The following SYT9 variants were observed in gnomAD, a reference collection of about 807,000 sequenced individuals.
SYT9 encodes synaptotagmin-9.
SYT9 carries 22 observed loss-of-function variants against 48.4 expected under a neutral mutation model. The observed-to-expected ratio is 0.45, with a 90% confidence interval of 0.32 to 0.65. The LOEUF is 0.65. SYT9 is among the 30% of genes least tolerant of loss of function. The probability of loss-of-function intolerance (pLI) is 0.03; values close to 1 mark genes in which losing one functional copy is unlikely to be tolerated. For synonymous variants in SYT9, 265 were observed against 245.0 expected, an observed-to-expected ratio of 1.08 and a Z score of -0.76; for missense variants, 577 against 622.0, an observed-to-expected ratio of 0.93 and a Z score of 0.77.
intron 3 of SYT9, among the ~76,000 whole-genome samples, chr11:7,393,626 C>T (rs936383821): frequency 1.3e-5 from 2 of 151,868 alleles, no homozygotes; most frequent in African/African-American, 4.8e-5. Flanking sequence ...CTAGAATGAG[C>T]CTCCTTCTCA....
chr11:7,449,097 G>A (rs749761753), intron 6 of SYT9, among the ~76,000 whole-genome samples: 1 of 151,926 alleles, frequency 6.6e-6, no homozygotes, highest in Non-Finnish European at 1.5e-5. Flanking sequence ...TAATCCCAGC[G>A]CTTTGGGAGG....
intron 3 of SYT9, among the ~76,000 whole-genome samples, chr11:7,373,381 C>A (rs1850397564): frequency 6.6e-6 from 1 of 152,046 alleles, no homozygotes; most frequent in South Asian, 2.1e-4. Flanking sequence ...CCCTATTTCA[C>A]CCTTGAGAGA....
At chr11:7,347,327 G>A (rs1244831005) in intron 3 of SYT9, among the ~76,000 whole-genome samples, 1 of 152,032 alleles carries the variant, frequency 6.6e-6, no homozygotes, top group Non-Finnish European at 1.5e-5. Flanking sequence ...TGCCTCCCAG[G>A]TTCAAGCGAC....
Position 7,313,725 on chromosome 11 carries a change from T to C in SYT9, c.828T>C (p.Val276=). The change falls in exon 3 of 7, where the codon GTT becomes GTC. Residue 276 remains valine (V), a synonymous_variant. Transcript: ENST00000318881. ...PDRKTKHQTK[V]HRKTLNPVFD... The stretch of plus-strand genomic sequence containing the variant: ...GGAAAACAAAACACCAGACTAAAGT[T>C]CACAGAAAGACCCTGAACCCTGTGT... The C allele has an allele frequency of 6.2e-7, 1 of 1,614,212 alleles. No homozygotes were observed. The highest frequency in any genetic ancestry group is 1.3e-5 in the African/African-American group (1 of 75,050).
intron 1 of SYT9, among the ~76,000 whole-genome samples, chr11:7,277,711 G>A (rs527464133): frequency 6.6e-6 from 1 of 152,330 alleles, no homozygotes; most frequent in Admixed American, 6.5e-5. Flanking sequence ...CAGCATGCAT[G>A]TAGGATCTGA....
At chr11:7,384,169 C>T (rs1850615773) in intron 3 of SYT9, among the ~76,000 whole-genome samples, 1 of 151,838 alleles carries the variant, frequency 6.6e-6, no homozygotes, top group African/African-American at 2.4e-5. Context: ...ATGTTTGTAT[C>T]ATTATTGTTA....
intron 1 of SYT9, among the ~76,000 whole-genome samples, chr11:7,255,311 C>G (rs1487862): frequency 0.85 from 128,827 of 152,038 alleles, 54,737 homozygotes; most frequent in South Asian, 0.92. Context: ...AGGTGTGAAA[C>G]AGATGGAGAG....
chr11:7,391,655 C>T (rs1266227506), intron 3 of SYT9, among the ~76,000 whole-genome samples: 1 of 143,440 alleles, frequency 7.0e-6, no homozygotes, highest in Non-Finnish European at 1.5e-5. Flanking sequence ...AATCCCAGCA[C>T]TTTCGAAGGC....
At chr11:7,291,026 A>T (rs1344661202) in intron 1 of SYT9, among the ~76,000 whole-genome samples, 1 of 152,232 alleles carries the variant, frequency 6.6e-6, no homozygotes, top group African/African-American at 2.4e-5. Flanking sequence ...ACCCAAAAAA[A>T]AGAGCTGTGG....
chr11:7,242,167 A>G (rs1479425039), intron 1 of SYT9, among the ~76,000 whole-genome samples: 1 of 152,258 alleles, frequency 6.6e-6, no homozygotes, highest in Non-Finnish European at 1.5e-5. Flanking sequence ...TGGGGCTCTA[A>G]TGTGCGTTGG....
chr11:7,355,899 C>T (rs1281494780), intron 3 of SYT9, among the ~76,000 whole-genome samples: 1 of 152,168 alleles, frequency 6.6e-6, no homozygotes, highest in Non-Finnish European at 1.5e-5. Flanking sequence ...CATTGGTGGC[C>T]CAGTCCCTTC....
intron 6 of SYT9, among the ~76,000 whole-genome samples, chr11:7,432,574 AAAAAAAAAATATATATACAT>A (rs1847612337): frequency 7.9e-4 from 10 of 12,622 alleles, no homozygotes; most frequent in African/African-American, 3.5e-3. Context: ...AAAAAAAAAA[AAAAAAAAAATATATATACAT>A]ATATATATAT....
intron 5 of SYT9, among the ~76,000 whole-genome samples, chr11:7,418,349 C>T (rs1429435196): frequency 1.3e-5 from 2 of 152,172 alleles, no homozygotes; most frequent in African/African-American, 2.4e-5. Flanking sequence ...TTTTCTGCCC[C>T]GTTCTCATTT....
chr11:7,263,514 AAG>A (rs1436686376), intron 1 of SYT9, among the ~76,000 whole-genome samples: 1 of 152,198 alleles, frequency 6.6e-6, no homozygotes, highest in Non-Finnish European at 1.5e-5. Flanking sequence ...AAAAATAGAA[AAG>A]AAGTCAAACA....
intron 3 of SYT9, among the ~76,000 whole-genome samples, chr11:7,393,650 T>C (rs1416095050): frequency 6.6e-6 from 1 of 152,158 alleles, no homozygotes; most frequent in Non-Finnish European, 1.5e-5. Context: ...TTTGGAATAG[T>C]TTCTGAAGGA....
chr11:7,311,659 C>T (rs1849135775), intron 2 of SYT9, among the ~76,000 whole-genome samples: 1 of 152,104 alleles, frequency 6.6e-6, no homozygotes, highest in African/African-American at 2.4e-5. Context: ...GATGCAGGAC[C>T]CAATTATGGA....
chr11:7,350,444 A>G (rs1353777632), intron 3 of SYT9, among the ~76,000 whole-genome samples: 1 of 152,196 alleles, frequency 6.6e-6, no homozygotes, highest in African/African-American at 2.4e-5. Context: ...TTTAAATAAC[A>G]TCAGTTTGAA....
intron 3 of SYT9, among the ~76,000 whole-genome samples, chr11:7,410,433 G>C (rs1423608661): frequency 6.6e-6 from 1 of 152,154 alleles, no homozygotes; most frequent in Non-Finnish European, 1.5e-5. Flanking sequence ...TGCTGAAAGT[G>C]GGGTGTTGAA....
In SYT9 at chr11:7,342,340, T is replaced by A. The variant is rs571230986; in HGVS notation, c.1044+28399T>A. 7.2e-5 allele frequency among the ~76,000 whole-genome samples: 11 copies of A among 152,256 alleles called. No individual in the cohort carries two copies. The East Asian group carries it at 1.9e-3, about 27-fold the overall frequency. ...TGAGCCTGTAAAATCAAAAGCAAGT[T>A]AGTTACTTCCTAGATACAATGGAGG... On this transcript the variant is annotated intron_variant, in intron 3 of 6. Transcript: ENST00000318881.
Sources: gnomAD v4.1 joint callset for allele counts (sites outside exome capture counted in the v4.1 genomes callset) on GRCh38, gnomAD v4.1.1 for gene constraint, MANE v1.5 for transcripts, NCBI Gene and HGNC (gene_info 2026-07-23, HGNC 2026-07-21) for gene names.